ERBB4: variants seen among roughly 807,000 people sequenced by gnomAD.
ERBB4 encodes the protein erb-b2 receptor tyrosine kinase 4, also known as receptor tyrosine-protein kinase erbB-4.
In ERBB4, 42 loss-of-function variants were observed where a neutral mutation model predicts 158.0. That is an observed-to-expected ratio of 0.27 (90% CI 0.21 to 0.34). The LOEUF (loss-of-function observed/expected upper bound fraction) is 0.34. ERBB4 is among the 10% of genes least tolerant of loss of function. ERBB4 has a pLI of 1.00. For missense variants in ERBB4, 1,333 were observed against 1,624.1 expected, an observed-to-expected ratio of 0.82 and a Z score of 3.08; for synonymous variants, 583 against 558.7, an observed-to-expected ratio of 1.04 and a Z score of -0.61.
chr2:212,353,956 G>A (rs937048691), intron 1 of ERBB4, among the ~76,000 whole-genome samples: 2 of 152,032 alleles, frequency 1.3e-5, no homozygotes, highest in Admixed American at 1.3e-4. Context: ...TGTGCTAGAT[G>A]GTGTAGCCAC....
chr2:212,177,374 T>C (rs2081703768), intron 1 of ERBB4, among the ~76,000 whole-genome samples: 1 of 151,930 alleles, frequency 6.6e-6, no homozygotes, highest in Non-Finnish European at 1.5e-5. Context: ...TAAATTGAAA[T>C]TTATACTTTT....
At chr2:212,014,739 T>C (rs552185582) in intron 2 of ERBB4, among the ~76,000 whole-genome samples, 8 of 152,168 alleles carry the variant, frequency 5.3e-5, no homozygotes, top group South Asian at 4.1e-4. Context: ...TAAAAGTACA[T>C]AGTCAACACT....
chr2:211,391,922 G>C (rs1255685099), intron 25 of ERBB4, among the ~76,000 whole-genome samples: 2 of 152,228 alleles, frequency 1.3e-5, no homozygotes, highest in East Asian at 3.9e-4. Context: ...TTAAACAGGT[G>C]ATCAATGAGA....
chr2:212,198,611 G>A (rs538217945), intron 1 of ERBB4, among the ~76,000 whole-genome samples: 1 of 151,964 alleles, frequency 6.6e-6, no homozygotes, highest in East Asian at 1.9e-4. Context: ...GTCTTGCTCT[G>A]TTGCCCAGGC....
chr2:211,910,668 C>A (rs1039108054), intron 3 of ERBB4, among the ~76,000 whole-genome samples: 5 of 151,850 alleles, frequency 3.3e-5, no homozygotes, highest in African/African-American at 1.2e-4. Flanking sequence ...GTACAACAAA[C>A]CCCCATGGGA....
At chr2:212,262,156 A>T (rs2084968858) in intron 1 of ERBB4, among the ~76,000 whole-genome samples, 1 of 152,168 alleles carries the variant, frequency 6.6e-6, no homozygotes, top group African/African-American at 2.4e-5. Flanking sequence ...CATTTTCTAT[A>T]GGGAGAATAG....
At chr2:212,179,342 CT>C (rs3038239) in intron 1 of ERBB4, among the ~76,000 whole-genome samples, 19 of 145,956 alleles carry the variant, frequency 1.3e-4, no homozygotes, top group East Asian at 6.0e-4. Context: ...ACATTGAGAG[CT>C]TTTTTTTTTT....
chr2:212,152,542 C>CT (rs1340919721), intron 1 of ERBB4, among the ~76,000 whole-genome samples: 1 of 152,118 alleles, frequency 6.6e-6, no homozygotes, highest in African/African-American at 2.4e-5. Context: ...GCTTGTAGAA[C>CT]TTAGTCCCAT....
intron 2 of ERBB4, among the ~76,000 whole-genome samples, chr2:211,988,985 G>T (rs1190574941): frequency 6.6e-6 from 1 of 151,942 alleles, no homozygotes; most frequent in Non-Finnish European, 1.5e-5. Flanking sequence ...TTCTTTAACA[G>T]AAACTCTAAG....
chr2:212,085,058 T>C (rs2078562291), intron 2 of ERBB4, among the ~76,000 whole-genome samples: 2 of 152,018 alleles, frequency 1.3e-5, no homozygotes, highest in South Asian at 4.1e-4. Flanking sequence ...GAATACAAAA[T>C]AAACATGCAT....
chr2:212,302,226 A>T (rs944948413), intron 1 of ERBB4, among the ~76,000 whole-genome samples: 1 of 151,466 alleles, frequency 6.6e-6, no homozygotes, highest in Non-Finnish European at 1.5e-5. Flanking sequence ...TTTTATATCT[A>T]GATCACCTGG....
intron 20 of ERBB4, among the ~76,000 whole-genome samples, chr2:211,509,112 T>G (rs75297362): frequency 6.6e-6 from 1 of 151,452 alleles, no homozygotes; most frequent in South Asian, 2.1e-4. Context: ...ATGTTCTCAC[T>G]CATAAGTGGG....
intron 1 of ERBB4, among the ~76,000 whole-genome samples, chr2:212,337,908 G>A (rs1048703204): frequency 6.6e-6 from 1 of 151,976 alleles, no homozygotes; most frequent in Non-Finnish European, 1.5e-5. Flanking sequence ...TTGGATGAAG[G>A]AACTTAACTC....
intron 2 of ERBB4, among the ~76,000 whole-genome samples, chr2:212,077,985 G>C (rs896448307): frequency 2.0e-5 from 3 of 151,840 alleles, no homozygotes; most frequent in Admixed American, 6.6e-5. Flanking sequence ...CCACATTCTT[G>C]ACTAAGGCTA....
chr2:211,894,636 G>C (rs984546058), intron 3 of ERBB4, among the ~76,000 whole-genome samples: 16 of 152,024 alleles, frequency 1.1e-4, no homozygotes, highest in African/African-American at 3.9e-4. Flanking sequence ...GAAAAAATAC[G>C]CTAATAGAGT....
chr2:211,515,026 G>T (rs1297530145), intron 20 of ERBB4, among the ~76,000 whole-genome samples: 1 of 152,136 alleles, frequency 6.6e-6, no homozygotes, highest in African/African-American at 2.4e-5. Flanking sequence ...TTACTGGCTG[G>T]TGAGGAGCAG....
intron 2 of ERBB4, among the ~76,000 whole-genome samples, chr2:212,047,307 T>G (rs1257352888): frequency 1.3e-5 from 2 of 152,160 alleles, no homozygotes; most frequent in Admixed American, 6.5e-5. Context: ...TCTAAATTAT[T>G]CTCTTTAGTC....
chr2:212,364,969 T>A (rs1318245616), intron 1 of ERBB4, among the ~76,000 whole-genome samples: 1 of 151,394 alleles, frequency 6.6e-6, no homozygotes. Flanking sequence ...TGAATTATAG[T>A]CTCTGCTTCA....
chr2:212,067,668 G>A (rs1028689517), intron 2 of ERBB4, among the ~76,000 whole-genome samples: 11 of 151,988 alleles, frequency 7.2e-5, no homozygotes, highest in African/African-American at 2.7e-4. Flanking sequence ...TCCAGGACAA[G>A]AAGTTGCTGA....
Sources: allele counts gnomAD v4.1 joint callset (sites outside exome capture counted in the v4.1 genomes callset), GRCh38; gene constraint gnomAD v4.1.1; transcripts MANE v1.5; gene names NCBI Gene and HGNC (gene_info 2026-07-23, HGNC 2026-07-21).